LRRC37A2: variants seen among roughly 807,000 people sequenced by gnomAD.
LRRC37A2 encodes leucine-rich repeat-containing protein 37A2.
Under a neutral mutation model 68.8 loss-of-function variants are expected in LRRC37A2, and 9 were observed. The observed-to-expected ratio is 0.13, with a 90% CI of 0.08 to 0.23. LRRC37A2 has a LOEUF of 0.23. Ranked by LOEUF, LRRC37A2 falls within the 10% of genes least tolerant of loss-of-function variation. The pLI, the probability that LRRC37A2 is intolerant of heterozygous loss-of-function variation, is 1.00. For synonymous variants in LRRC37A2, 63 were observed against 367.6 expected (o/e 0.17, Z 9.48); for missense variants, 168 against 950.4 (o/e 0.18, Z 10.82).
chr17:46,967,260 A>G, the LRRC37A2 span, among the ~76,000 whole-genome samples: 1 of 152,334 alleles, frequency 6.6e-6, no homozygotes, highest in African/African-American at 2.4e-5. Context: ...CAGCTCTGCC[A>G]CTTATTGGCT....
chr17:46,805,060 A>C, the LRRC37A2 span, among the ~76,000 whole-genome samples: 1 of 152,060 alleles, frequency 6.6e-6, no homozygotes, highest in East Asian at 1.9e-4. Context: ...CTCACCGCAA[A>C]GGTACGTGGC....
chr17:46,755,513 G>A, the LRRC37A2 span: 1 of 777,750 alleles, frequency 1.3e-6, no homozygotes, highest in Non-Finnish European at 2.1e-6. Context: ...GAGAGACCAA[G>A]CAAGGAAGTT....
At chr17:46,545,470 C>T (rs1314258403) in intron 8 of LRRC37A2, among the ~76,000 whole-genome samples, 1 of 113,134 alleles carries the variant, frequency 8.8e-6, no homozygotes, top group Admixed American at 9.2e-5. Flanking sequence ...TAATTTTCCC[C>T]TTGGTAATTA....
chr17:46,767,244 C>T, the LRRC37A2 span, among the ~76,000 whole-genome samples: 1,699 of 152,214 alleles, frequency 0.011, 31 homozygotes, highest in African/African-American at 0.039. Context: ...AAAATCCACC[C>T]GCCTTTGATC....
At chr17:46,492,042 C>A in the LRRC37A2 span, among the ~76,000 whole-genome samples, 1 of 150,488 alleles carries the variant, frequency 6.6e-6, no homozygotes, top group Non-Finnish European at 1.5e-5. Flanking sequence ...CAGCTCACCA[C>A]AACCTCCGCT....
the LRRC37A2 span, among the ~76,000 whole-genome samples, chr17:46,857,612 T>C: frequency 6.6e-6 from 1 of 151,766 alleles, no homozygotes; most frequent in African/African-American, 2.4e-5. Context: ...TGTCTAGGAG[T>C]GGATTGTTGG....
chr17:46,929,382 G>T, the LRRC37A2 span: 13 of 697,486 alleles, frequency 1.9e-5, no homozygotes, highest in African/African-American at 1.9e-4. Flanking sequence ...GACCTAAAGT[G>T]CCACATACAA....
chr17:46,940,648 C>T, the LRRC37A2 span: 1 of 1,613,840 alleles, frequency 6.2e-7, no homozygotes, highest in Non-Finnish European at 8.5e-7. Flanking sequence ...GGCAGAAGTC[C>T]CCGCACCCAT....
the LRRC37A2 span, among the ~76,000 whole-genome samples, chr17:47,032,527 A>G: frequency 1.8e-4 from 28 of 152,228 alleles, no homozygotes; most frequent in African/African-American, 6.0e-4. Context: ...TGTGCATTGT[A>G]TCTTACTTTC....
chr17:46,776,175 C>T, the LRRC37A2 span, among the ~76,000 whole-genome samples: 1 of 152,198 alleles, frequency 6.6e-6, no homozygotes, highest in Non-Finnish European at 1.5e-5. Context: ...CACTATGTGA[C>T]CCTGCCTGCT....
chr17:46,847,596 C>G, the LRRC37A2 span, among the ~76,000 whole-genome samples: 1 of 152,228 alleles, frequency 6.6e-6, no homozygotes, highest in African/African-American at 2.4e-5. Context: ...CACACCCACA[C>G]CAGTCCTGTC....
the LRRC37A2 span, among the ~76,000 whole-genome samples, chr17:46,870,904 C>CTTTTTTTTTTTTTTTTTTT: frequency 5.1e-5 from 4 of 78,388 alleles, no homozygotes; most frequent in African/African-American, 2.0e-4. Context: ...TCCACCTTTG[C>CTTTTTTTTTTTTTTTTTTT]TTTTTTTTTT....
the LRRC37A2 span, among the ~76,000 whole-genome samples, chr17:46,714,528 C>T: frequency 2.0e-5 from 3 of 152,162 alleles, no homozygotes; most frequent in South Asian, 6.2e-4. Context: ...ATTAACATGG[C>T]CACTTTCTAC....
At chr17:46,743,587 A>C in the LRRC37A2 span, among the ~76,000 whole-genome samples, 10 of 152,174 alleles carry the variant, frequency 6.6e-5, no homozygotes, top group African/African-American at 2.4e-4. Flanking sequence ...CCATCAGGGG[A>C]CTTGCCTCAC....
At chr17:46,833,772 T>G in the LRRC37A2 span, among the ~76,000 whole-genome samples, 2 of 152,200 alleles carry the variant, frequency 1.3e-5, no homozygotes, top group Non-Finnish European at 2.9e-5. Context: ...TGAGCCAGTC[T>G]GCCTGCTAGA....
intron 8 of LRRC37A2, among the ~76,000 whole-genome samples, chr17:46,541,618 G>C (rs1703095342): frequency 6.6e-6 from 1 of 150,754 alleles, no homozygotes. Flanking sequence ...ACTACAGCTG[G>C]CCCTCCATAT....
chr17:46,931,795 C>T, the LRRC37A2 span: 2 of 525,914 alleles, frequency 3.8e-6, no homozygotes, highest in Non-Finnish European at 6.9e-6. Flanking sequence ...GCTTCCTGTC[C>T]CCTGTTCTCT....
At chr17:46,719,247 T>G in the LRRC37A2 span, among the ~76,000 whole-genome samples, 1 of 152,252 alleles carries the variant, frequency 6.6e-6, no homozygotes, top group South Asian at 2.1e-4. The surrounding 1 kb of genome is among the most constrained non-coding windows in gnomAD (Gnocchi z 4.3). Flanking sequence ...ACATTAATTT[T>G]TGTTAAAGAT....
chr17:46,824,503 C>A, the LRRC37A2 span, among the ~76,000 whole-genome samples: 1 of 152,264 alleles, frequency 6.6e-6, no homozygotes, highest in Non-Finnish European at 1.5e-5. Flanking sequence ...CCCGCCTTGG[C>A]CTCCCAAAGT....
Sources: allele counts gnomAD v4.1 joint callset (sites outside exome capture counted in the v4.1 genomes callset), GRCh38; gene constraint gnomAD v4.1.1; non-coding constraint Gnocchi (gnomAD v3.1); transcripts MANE v1.5; gene names NCBI Gene and HGNC (gene_info 2026-07-23, HGNC 2026-07-21).